ENTR1: variants seen among roughly 807,000 people sequenced by gnomAD.
The protein encoded by ENTR1 is endosome-associated-trafficking regulator 1.
Under a neutral mutation model 47.9 loss-of-function variants are expected in ENTR1, and 47 were observed. The ratio of observed to expected loss-of-function variants is 0.98; its 90% CI spans 0.78 to 1.25. ENTR1 has a LOEUF of 1.25. Ranked by LOEUF, ENTR1 falls within the 50% of genes most tolerant of loss-of-function variation. The pLI is 0.00. For synonymous variants in ENTR1, 290 were observed against 245.8 expected (o/e 1.18, Z -1.68); for missense variants, 668 against 570.5 (o/e 1.17, Z -1.74).
intron 5 of ENTR1, 80 bp downstream of exon 5, chr9:136,407,062 AGAG>A: frequency 1.4e-6 from 2 of 1,398,330 alleles, no homozygotes; most frequent in South Asian, 2.8e-5. Context: ...AGGCCACCCA[AGAG>A]GTAGGATGGC....
chr9:136,402,304 A>C lies in ENTR1; in HGVS notation c.*484T>G, dbSNP rs1219470334. ...ACTGCAGGGACCACCCACTGGGGCC[A>C]CAAGAGTGACCCGGGAGCCAGAGGG... On this transcript the variant is annotated 3_prime_UTR_variant, in exon 10 of 10. Transcript: ENST00000357365. The C allele has an allele frequency of 6.4e-6, 1 of 156,738 alleles. No homozygotes were observed. The highest frequency in any genetic ancestry group is 2.4e-5 in the African/African-American group (1 of 41,482). 9.7% of individuals were successfully genotyped at this position (156,738 alleles called of 1,614,324 possible).
rs546735081 is a variant in ENTR1, at chr9:136,407,379, C to G, written c.585G>C (p.Gln195His). 144 of 1,607,370 alleles carry G rather than the reference C, an allele frequency of 9.0e-5. No homozygotes were observed. Among genetic ancestry groups the G allele is most frequent in the Admixed American group, 1.2e-4 (7 of 59,152 alleles). The part of the protein sequence containing the change: ...SGAYLPSAIE[Q>H]THPERVPAGT... ...CGGCAGGGACCCTCTCGGGGTGAGT[C>G]TGCTCGATGGCGGACGGCAGGTAGG... is the stretch of plus-strand genomic sequence containing the variant. The change falls in exon 5 of 10, where the codon CAG becomes CAC. Residue 195 changes from glutamine to histidine, a missense_variant. Physicochemically the swap from Gln to His is conservative, Grantham distance 24. Transcript: ENST00000357365.
At chr9:136,406,784 T>A (rs948125843) in intron 5 of ENTR1, among the ~76,000 whole-genome samples, 13 of 151,058 alleles carry the variant, frequency 8.6e-5, no homozygotes, top group African/African-American at 3.2e-4. Flanking sequence ...GCTAAAAAAT[T>A]TTTTTTTTTA....
chr9:136,406,174 T>G (rs534617638), intron 5 of ENTR1, among the ~76,000 whole-genome samples, 196 bp from the exon 6 acceptor site: 1 of 152,160 alleles, frequency 6.6e-6, no homozygotes. Context: ...AGATGCCAGT[T>G]AATTTTACTC....
intron 4 of ENTR1, 83 bp downstream of exon 4, chr9:136,407,743 A>G: frequency 7.2e-7 from 1 of 1,384,086 alleles, no homozygotes. Flanking sequence ...TGCCACACTC[A>G]TGCACGATTC....
Position 136,407,567 on chromosome 9 carries a change from A to G in ENTR1, c.403-6T>C, listed in dbSNP as rs758697485. On this transcript the variant is annotated splice_region_variant and splice_polypyrimidine_tract_variant and intron_variant, in intron 4 of 9. Coordinates refer to ENST00000357365, the MANE Select transcript of ENTR1 (RefSeq NM_001039707.2). The stretch of plus-strand genomic sequence containing the variant: ...AGGGAATGCCTCGAGGCTTCCTAAA[A>G]AAAAAAAAAAAAAAAAAACAATGGA... The G allele has an allele frequency of 4.8e-6, 4 of 837,094 alleles. No homozygotes were observed. Among genetic ancestry groups the G allele is most frequent in the South Asian group, 2.0e-5 (1 of 51,174 alleles). 51.9% of individuals were successfully genotyped at this position (837,094 alleles called of 1,614,324 possible).
intron 5 of ENTR1, among the ~76,000 whole-genome samples, chr9:136,406,195 G>A (rs1047882875): frequency 3.3e-5 from 5 of 152,130 alleles, no homozygotes; most frequent in African/African-American, 4.8e-5. Context: ...AGAGGCCGGG[G>A]GCAGTGGCTC....
intron 4 of ENTR1, 61 bp downstream of exon 4, chr9:136,407,765 G>T: frequency 1.4e-6 from 2 of 1,426,756 alleles, no homozygotes; most frequent in Non-Finnish European, 2.0e-6. Context: ...TCCAAAGGAG[G>T]CTGCAGAGGC....
At chr9:136,404,719 A>G (rs1305592836) in intron 7 of ENTR1, 26 bp from the exon 8 acceptor site, 3 of 1,612,768 alleles carry the variant, frequency 1.9e-6, no homozygotes, top group Admixed American at 1.7e-5. Flanking sequence ...GAAAAACCAC[A>G]AAAAGCATCA....
At chr9:136,406,190 C>T (rs1431008190) in intron 5 of ENTR1, among the ~76,000 whole-genome samples, 2 of 152,124 alleles carry the variant, frequency 1.3e-5, no homozygotes, top group African/African-American at 2.4e-5. Context: ...TACTCAGAGG[C>T]CGGGGGCAGT....
chr9:136,404,292 C>T, intron 8 of ENTR1, 98 bp from the exon 9 acceptor site: 1 of 1,484,052 alleles, frequency 6.7e-7, no homozygotes, highest in Non-Finnish European at 9.1e-7. Flanking sequence ...GGGGGCCTGG[C>T]ACTCAAGATG....
intron 3 of ENTR1, among the ~76,000 whole-genome samples, chr9:136,408,455 G>A (rs1834892295): frequency 6.6e-6 from 1 of 152,024 alleles, no homozygotes; most frequent in Admixed American, 6.6e-5. Flanking sequence ...GTGAGCGCCT[G>A]TAGTCCCAGC....
rs765086422 is a variant in ENTR1, at chr9:136,407,415, T to C, written c.549A>G (p.Gly183=). The C allele has an allele frequency of 1.2e-6, 2 of 1,609,316 alleles. No individual in the cohort carries two copies. Among genetic ancestry groups the C allele is most frequent in the Non-Finnish European group, 1.7e-6 (2 of 1,179,194 alleles). ...LLDEEEDEDT[G]WSGAYLPSAI... ...CGGACGGCAGGTAGGCCCCACTCCA[T>C]CCGGTGTCCTCATCCTCCTCCTCAT... The change falls in exon 5 of 10, where the codon GGA becomes GGG. Residue 183 remains glycine (G), a synonymous_variant. Transcript: ENST00000357365.
At chr9:136,404,923 A>G in intron 7 of ENTR1, 168 bp downstream of exon 7, 1 of 678,482 alleles carries the variant, frequency 1.5e-6, no homozygotes, top group Admixed American at 2.6e-5. Context: ...CTCGTGGGCC[A>G]GCTATCCCCA....
chr9:136,409,347 A>AT (rs1394911654), intron 2 of ENTR1, among the ~76,000 whole-genome samples: 2 of 151,856 alleles, frequency 1.3e-5, no homozygotes, highest in Non-Finnish European at 2.9e-5. Context: ...CGCCCGGCTA[A>AT]TTTTTTTGTA....
Position 136,404,620 on chromosome 9 carries a change from CCTTTA to C in ENTR1, c.1068+6_1068+10del, listed in dbSNP as rs1392969191. The C allele has an allele frequency of 6.2e-7, 1 of 1,613,066 alleles. No homozygotes were observed. Among genetic ancestry groups the C allele is most frequent in the African/African-American group, 1.3e-5 (1 of 74,922 alleles). Reference sequence around the variant, plus strand: ...TCAAAGAAAAACACTGAAGTCCCTTCCTTTAATTACCTGGAGCAAACTGATTTCCT... The same window carrying C: ...TCAAAGAAAAACACTGAAGTCCCTTCATTACCTGGAGCAAACTGATTTCCT... On this transcript the variant is annotated splice_donor_region_variant and intron_variant, in intron 8 of 9. Transcript: ENST00000357365.
intron 3 of ENTR1, among the ~76,000 whole-genome samples, chr9:136,408,519 A>G (rs1319075108): frequency 1.3e-5 from 2 of 152,016 alleles, no homozygotes; most frequent in Non-Finnish European, 2.9e-5. Flanking sequence ...TGGAGCTTGC[A>G]GTGAGCCGAG....
intron 2 of ENTR1, 57 bp downstream of exon 2, chr9:136,410,033 G>C (rs780554193): frequency 6.3e-7 from 1 of 1,596,346 alleles, no homozygotes; most frequent in Non-Finnish European, 8.6e-7. Flanking sequence ...CAGCGGAGGT[G>C]CCACACGTGG....
Position 136,407,581 on chromosome 9 carries a change from A to C in ENTR1, c.403-20T>G, listed in dbSNP as rs760376743. 3.6e-5 allele frequency: 55 copies of C among 1,538,720 alleles called. No individual in the cohort carries two copies. The highest frequency in any genetic ancestry group is 1.9e-4 in the African/African-American group (14 of 71,874). On this transcript the variant is annotated intron_variant, in intron 4 of 9. Coordinates refer to ENST00000357365, the MANE Select transcript of ENTR1 (RefSeq NM_001039707.2). ...GGCTTCCTAAAAAAAAAAAAAAAAA[A>C]AAAACAATGGAGGCCATGCTTCTGA...
Sources: gnomAD v4.1 joint callset for allele counts (sites outside exome capture counted in the v4.1 genomes callset) on GRCh38, gnomAD v4.1.1 for gene constraint, MANE v1.5 for transcripts, NCBI Gene and HGNC (gene_info 2026-07-23, HGNC 2026-07-21) for gene names.